Variants in BIRC6 observed in about 807,000 individuals in gnomAD.
BIRC6 encodes dual E2 ubiquitin-conjugating enzyme/E3 ubiquitin-protein ligase BIRC6.
Under a neutral mutation model 503.3 loss-of-function variants are expected in BIRC6, and 98 were observed. The observed-to-expected ratio is 0.19, with a 90% CI of 0.17 to 0.23. BIRC6 has a LOEUF of 0.23. Among genes scored for constraint, BIRC6 ranks in the 10% least tolerant of loss-of-function variants. The pLI, the probability that BIRC6 is intolerant of heterozygous loss-of-function variation, is 1.00. For synonymous variants in BIRC6, 2,240 were observed against 2,078.7 expected, an observed-to-expected ratio of 1.08 and a Z score of -2.11; for missense variants, 5,360 against 5,806.0, an observed-to-expected ratio of 0.92 and a Z score of 2.50.
At position 32,501,843 on chromosome 2, in the gene BIRC6, G is replaced by A. The variant is rs752275659; in HGVS notation, c.9162G>A (p.Leu3054=). ...AAGCTTCTACAGTCCACATGATGCT[G>A]CAGCCAATTTTAACATACATGGCCT... ...SKKASTVHMM[L]QPILTYMACG... is the part of the protein sequence containing the mutation. The change falls in exon 47 of 74, where the codon CTG becomes CTA. Residue 3054 remains leucine (L), a synonymous_variant. Transcript: ENST00000421745. The A allele has an allele frequency of 2.5e-6, 4 of 1,613,596 alleles. No homozygotes were observed. Among genetic ancestry groups the A allele is most frequent in the Non-Finnish European group, 3.4e-6 (4 of 1,179,732 alleles).
chr2:32,501,377 A>G (rs2053174102), intron 46 of BIRC6, among the ~76,000 whole-genome samples: 1 of 152,132 alleles, frequency 6.6e-6, no homozygotes, highest in African/African-American at 2.4e-5. Flanking sequence ...ATTGTTGGTG[A>G]TATAGAGGTA....
intron 15 of BIRC6, among the ~76,000 whole-genome samples, chr2:32,436,736 G>A (rs745352424): frequency 2.6e-5 from 4 of 151,864 alleles, no homozygotes; most frequent in African/African-American, 9.7e-5. Flanking sequence ...GATAATTTTT[G>A]TAGTTTTAGT....
intron 54 of BIRC6, among the ~76,000 whole-genome samples, chr2:32,514,014 G>A (rs2054735317): frequency 8.5e-3 from 1 of 118 alleles, no homozygotes; most frequent in South Asian, 0.5. Context: ...TCGCCATGCT[G>A]CCTCACGCCA....
At chr2:32,555,687 C>G (rs1452443088) in intron 65 of BIRC6, among the ~76,000 whole-genome samples, 2 of 150,852 alleles carry the variant, frequency 1.3e-5, no homozygotes, top group African/African-American at 4.9e-5. Context: ...ATTAGAGTAG[C>G]AGGCCAGGTG....
At chr2:32,591,424 A>G (rs1011886272) in intron 66 of BIRC6, among the ~76,000 whole-genome samples, 1 of 152,266 alleles carries the variant, frequency 6.6e-6, no homozygotes, top group South Asian at 2.1e-4. Context: ...ATCTCTTACT[A>G]ATCTTCTTTT....
chr2:32,458,915 C>T (rs1400839051), intron 23 of BIRC6, among the ~76,000 whole-genome samples: 1 of 151,640 alleles, frequency 6.6e-6, no homozygotes, highest in Non-Finnish European at 1.5e-5. Context: ...GTCTTGAATC[C>T]CTGATCTCAA....
chr2:32,440,751 T>TTTTTTTTTTATTATTATTATTATTA (rs773312894), intron 16 of BIRC6, among the ~76,000 whole-genome samples: 3 of 147,150 alleles, frequency 2.0e-5, no homozygotes, highest in Admixed American at 1.4e-4. Context: ...TGTTTATTTA[T>TTTTTTTTTTATTATTATTATTATTA]TTATTATTAT....
chr2:32,507,529 A>G (rs892099103), intron 50 of BIRC6, among the ~76,000 whole-genome samples: 2 of 152,256 alleles, frequency 1.3e-5, no homozygotes, highest in Non-Finnish European at 2.9e-5. Context: ...TAGTAATAGA[A>G]TAATTGGTAG....
chr2:32,458,491 TA>T (rs2047481610), intron 23 of BIRC6, among the ~76,000 whole-genome samples: 1 of 152,096 alleles, frequency 6.6e-6, no homozygotes, highest in African/African-American at 2.4e-5. Context: ...CTTAGTTAAT[TA>T]TGGATATTTT....
intron 59 of BIRC6, chr2:32,529,390 G>A: frequency 3.0e-6 from 1 of 331,322 alleles, no homozygotes; most frequent in East Asian, 5.8e-5. Flanking sequence ...TCCCACATCA[G>A]ATTTATGGAA....
chr2:32,369,626 C>T (rs1282884409), intron 1 of BIRC6, among the ~76,000 whole-genome samples: 1 of 151,736 alleles, frequency 6.6e-6, no homozygotes. Flanking sequence ...CAGGGTTTCA[C>T]CTTATTGGCC....
chr2:32,614,121 CTCTG>C (rs1405600169), intron 73 of BIRC6, among the ~76,000 whole-genome samples: 2 of 152,146 alleles, frequency 1.3e-5, no homozygotes, highest in Non-Finnish European at 2.9e-5. Context: ...AACCATTTTT[CTCTG>C]TCTTAGAATC....
intron 23 of BIRC6, among the ~76,000 whole-genome samples, chr2:32,455,014 T>C (rs1309673613): frequency 6.6e-6 from 1 of 152,188 alleles, no homozygotes; most frequent in African/African-American, 2.4e-5. Context: ...AAACATGCCA[T>C]GACAAAAAAT....
At chr2:32,435,646 C>T (rs1363136405) in intron 14 of BIRC6, 61 bp downstream of exon 14, 1 of 1,459,012 alleles carries the variant, frequency 6.9e-7, no homozygotes, top group Admixed American at 2.9e-5. Context: ...CTGAATGCAA[C>T]ATGTCGGGCA....
At chr2:32,511,212 T>C (rs1289642079) in intron 53 of BIRC6, among the ~76,000 whole-genome samples, 7 of 144,058 alleles carry the variant, frequency 4.9e-5, no homozygotes, top group South Asian at 4.4e-4. Flanking sequence ...TTTTTTTTTT[T>C]TTTTTTTTTT....
At position 32,445,610 on chromosome 2, in the gene BIRC6, G is replaced by A. The variant is rs1379977555; in HGVS notation, c.4426G>A (p.Ala1476Thr). The change falls in exon 21 of 74, where the codon GCA (alanine) becomes ACA (threonine). Residue 1476 changes from alanine to threonine, a missense_variant. Physicochemically the swap from Ala to Thr is moderately conservative, Grantham distance 58 (BLOSUM62 0). Coordinates refer to ENST00000421745, the MANE Select transcript of BIRC6 (RefSeq NM_016252.4). The stretch of plus-strand genomic sequence containing the variant: ...TACAGCTTGTGCATCTTTGCTTACT[G>A]CAGTGTCCAGACAGTTACAGGACAG... ...CSTACASLLT[A>T]VSRQLQDRLT... 2 of 1,607,584 alleles carry A rather than the reference G, an allele frequency of 1.2e-6. No homozygotes were observed. Among genetic ancestry groups the A allele is most frequent in the East Asian group, 4.5e-5 (2 of 44,546 alleles).
At position 32,490,058 on chromosome 2, in the gene BIRC6, C is replaced by G. The variant is rs138560735; in HGVS notation, c.8113C>G (p.Leu2705Val). The change falls in exon 43 of 74, where the codon CTC becomes GTC. Residue 2705 changes from leucine (L) to valine (V), a missense_variant. Leu to Val is a conservative substitution (Grantham distance 32, BLOSUM62 1). Transcript: ENST00000421745. ...CTGCATAGCATCAATAACTAGCTTT[C>G]TCACAGTGTTAGCTTGGTATCCCAA... Reference protein sequence around the residue: ...SLNQASITSFLTVLAWYPNTL... With the variant: ...SLNQASITSFVTVLAWYPNTL... The G allele has an allele frequency of 2.5e-6, 4 of 1,611,146 alleles. No homozygotes were observed. Among genetic ancestry groups the G allele is most frequent in the African/African-American group, 2.7e-5 (2 of 74,874 alleles).
chr2:32,474,982 G>C (rs977684549), intron 33 of BIRC6, among the ~76,000 whole-genome samples: 1 of 151,722 alleles, frequency 6.6e-6, no homozygotes, highest in East Asian at 1.9e-4. Flanking sequence ...GGTTGAGGCG[G>C]GTGGATCAGT....
chr2:32,411,043 A>AT (rs908781680), intron 9 of BIRC6, among the ~76,000 whole-genome samples: 1 of 141,872 alleles, frequency 7.0e-6, no homozygotes, highest in African/African-American at 2.6e-5. Context: ...CCTTGAGTTC[A>AT]TTTTTTTTCT....
Sources: allele counts gnomAD v4.1 joint callset (sites outside exome capture counted in the v4.1 genomes callset), GRCh38; gene constraint gnomAD v4.1.1; transcripts MANE v1.5; gene names NCBI Gene and HGNC (gene_info 2026-07-23, HGNC 2026-07-21).